The following ZNF804A variants were observed in gnomAD, a reference collection of about 807,000 sequenced individuals.
ZNF804A encodes the protein zinc finger protein 804A.
ZNF804A carries 2 observed loss-of-function variants against 16.5 expected under a neutral mutation model. That is an observed-to-expected ratio of 0.12 (90% CI 0.05 to 0.38). The LOEUF (loss-of-function observed/expected upper bound fraction) is 0.38, where lower values mean the gene tolerates loss of function less well. ZNF804A is among the 10% of genes least tolerant of loss of function. The probability of loss-of-function intolerance (pLI) is 0.99; values close to 1 mark genes in which losing one functional copy is unlikely to be tolerated. For missense variants in ZNF804A, 1,473 were observed against 1,390.7 expected (o/e 1.06, Z -0.94); for synonymous variants, 534 against 489.6 (o/e 1.09, Z -1.20).
At chr2:184,785,675 G>C (rs962105163) in intron 1 of ZNF804A, among the ~76,000 whole-genome samples, 1 of 151,728 alleles carries the variant, frequency 6.6e-6, no homozygotes, top group Non-Finnish European at 1.5e-5. Context: ...TAAATAAATA[G>C]GTAGGCATAT....
At chr2:184,771,742 A>G (rs1694218217) in intron 1 of ZNF804A, among the ~76,000 whole-genome samples, 1 of 152,060 alleles carries the variant, frequency 6.6e-6, no homozygotes, top group Admixed American at 6.6e-5. Context: ...GACTACCTGC[A>G]GCTCCTGGCA....
At chr2:184,917,282 A>T (rs948961310) in intron 2 of ZNF804A, among the ~76,000 whole-genome samples, 17 of 152,156 alleles carry the variant, frequency 1.1e-4, no homozygotes, top group African/African-American at 4.1e-4. Context: ...TCCTGCATAC[A>T]ACCCAAAAGA....
At chr2:184,727,527 A>G (rs1389713385) in intron 1 of ZNF804A, among the ~76,000 whole-genome samples, 1 of 151,642 alleles carries the variant, frequency 6.6e-6, no homozygotes, top group African/African-American at 2.4e-5. Flanking sequence ...TACTATGTAT[A>G]AGATACATTT....
At chr2:184,603,084 G>A (rs894799156) in intron 1 of ZNF804A, among the ~76,000 whole-genome samples, 10 of 152,064 alleles carry the variant, frequency 6.6e-5, no homozygotes, top group African/African-American at 1.9e-4. Context: ...TCTGTAGGCT[G>A]CCCTGCATTT....
chr2:184,829,899 C>CAAAAAAAAAAAAAAAAAAAAAAAA (rs1244566222), intron 1 of ZNF804A, among the ~76,000 whole-genome samples: 7 of 38,892 alleles, frequency 1.8e-4, no homozygotes, highest in East Asian at 7.8e-4. Context: ...CTGTCTCTAC[C>CAAAAAAAAAAAAAAAAAAAAAAAA]AAAAAAAAAA....
intron 2 of ZNF804A, among the ~76,000 whole-genome samples, chr2:184,932,543 C>T (rs1486651607): frequency 1.3e-5 from 2 of 152,260 alleles, no homozygotes; most frequent in East Asian, 1.9e-4. Flanking sequence ...TTACCTCCCA[C>T]TGGGTACTTC....
chr2:184,690,640 T>C (rs969439947), intron 1 of ZNF804A, among the ~76,000 whole-genome samples: 1 of 152,030 alleles, frequency 6.6e-6, no homozygotes, highest in Non-Finnish European at 1.5e-5. Context: ...AAGCCATTCA[T>C]TAAATCAAGA....
At chr2:184,616,537 C>T (rs1184179941) in intron 1 of ZNF804A, among the ~76,000 whole-genome samples, 3 of 152,050 alleles carry the variant, frequency 2.0e-5, no homozygotes, top group East Asian at 1.9e-4. Context: ...GAAGAATTAT[C>T]GTTCTTCCCT....
rs377365272 is a variant in ZNF804A, at chr2:184,877,302, T to A, written c.255+10790T>A. 3.9e-5 allele frequency among the ~76,000 whole-genome samples: 6 copies of A among 152,250 alleles called. No homozygotes were observed. The East Asian group carries it at 9.7e-4, about 24-fold the overall frequency. On this transcript the variant is annotated intron_variant, in intron 2 of 3. Transcript: ENST00000302277. ...TCTGTATAGATTTACTAATACTTTA[T>A]TTTATTTTAAAGAAATTGAGACACC...
chr2:184,698,265 G>C (rs553614186), intron 1 of ZNF804A, among the ~76,000 whole-genome samples: 1 of 151,914 alleles, frequency 6.6e-6, no homozygotes, highest in African/African-American at 2.4e-5. Context: ...CATTATAAAA[G>C]GTTGATAGTC....
At chr2:184,601,294 T>C (rs557359071) in intron 1 of ZNF804A, among the ~76,000 whole-genome samples, 94 of 152,208 alleles carry the variant, frequency 6.2e-4, no homozygotes, top group Non-Finnish European at 1.2e-3. Context: ...TATTCATAAA[T>C]GAATGATTTC....
intron 2 of ZNF804A, among the ~76,000 whole-genome samples, chr2:184,920,516 A>G (rs1275259425): frequency 2.0e-5 from 3 of 152,124 alleles, no homozygotes; most frequent in South Asian, 2.1e-4. Flanking sequence ...GTGCTTCCCA[A>G]TGAGTCATGC....
intron 1 of ZNF804A, among the ~76,000 whole-genome samples, chr2:184,762,155 G>A (rs544639862): frequency 1.4e-5 from 2 of 147,232 alleles, no homozygotes; most frequent in African/African-American, 2.5e-5. Flanking sequence ...TTTAAATTCT[G>A]ATTTCTCTGT....
Position 184,939,008 on chromosome 2 carries a change from T to G in ZNF804A, c.3612T>G (p.Pro1204=). 6.2e-7 allele frequency: 1 copy of G among 1,613,760 alleles called. No homozygotes were observed. The highest frequency in any genetic ancestry group is 8.5e-7 in the Non-Finnish European group (1 of 1,179,774). ...TTTCCCCACACCCTACTGTCATCCC[T>G]TTGCAACCTCTCTTCTAGTCATCAC... ...SLLSPHPTVI[P]LQPLF Residue 1204 remains proline (P), a synonymous_variant, in exon 4 of 4, where the codon CCT becomes CCG. Transcript: ENST00000302277.
At chr2:184,894,869 G>A (rs1336747315) in intron 2 of ZNF804A, among the ~76,000 whole-genome samples, 1 of 151,616 alleles carries the variant, frequency 6.6e-6, no homozygotes, top group African/African-American at 2.4e-5. Context: ...GTATTTTTTT[G>A]TTTTTAGTAG....
At chr2:184,862,422 C>A (rs376565251) in intron 1 of ZNF804A, among the ~76,000 whole-genome samples, 8 of 152,100 alleles carry the variant, frequency 5.3e-5, no homozygotes, top group African/African-American at 1.9e-4. Flanking sequence ...TAGAACACAG[C>A]CTTGATTCCT....
chr2:184,666,512 A>G (rs1434862807), intron 1 of ZNF804A, among the ~76,000 whole-genome samples: 2 of 152,130 alleles, frequency 1.3e-5, no homozygotes, highest in Admixed American at 6.6e-5. Flanking sequence ...AAAAATTTAT[A>G]TCCCTACACT....
At chr2:184,854,486 C>T (rs1414515284) in intron 1 of ZNF804A, among the ~76,000 whole-genome samples, 1 of 151,958 alleles carries the variant, frequency 6.6e-6, no homozygotes, top group African/African-American at 2.4e-5. Context: ...TGTATTTTTG[C>T]TTATTCACTA....
At position 184,911,847 on chromosome 2, in the gene ZNF804A, CCTTT is replaced by C. The variant is rs147640290; in HGVS notation, c.256-21751_256-21748del. Among the ~76,000 whole-genome samples the C allele has an allele frequency of 1.8e-3, 279 of 151,830 alleles. 1 individual carries two copies. Among genetic ancestry groups the C allele is most frequent in the African/African-American group, 6.5e-3 (268 of 41,448 alleles). ...TTGTTCTGCATTTTATTTCTTTCTC[CCTTT>C]CTTTTTTCCTTTTTTTCCTACAATT... On this transcript the variant is annotated intron_variant, in intron 2 of 3. Transcript: ENST00000302277.
Sources: gnomAD v4.1 joint callset for allele counts (sites outside exome capture counted in the v4.1 genomes callset) on GRCh38, gnomAD v4.1.1 for gene constraint, MANE v1.5 for transcripts, NCBI Gene and HGNC (gene_info 2026-07-23, HGNC 2026-07-21) for gene names.